PWWP2A: variants seen among roughly 807,000 people sequenced by gnomAD.
The protein encoded by PWWP2A is PWWP domain containing 2A.
A neutral mutation model predicts 48.5 loss-of-function variants in PWWP2A; 18 were observed. The ratio of observed to expected loss-of-function variants is 0.37; its 90% CI spans 0.26 to 0.55. The LOEUF (loss-of-function observed/expected upper bound fraction) is 0.55. Ranked by LOEUF, PWWP2A falls within the 20% of genes least tolerant of loss-of-function variation. The pLI, the probability that PWWP2A is intolerant of heterozygous loss-of-function variation, is 0.81. For missense variants in PWWP2A, 867 were observed against 976.4 expected (o/e 0.89, Z 1.49); for synonymous variants, 396 against 387.7 (o/e 1.02, Z -0.25).
rs1047708817 is a variant in PWWP2A at position 160,091,378 on chromosome 5, T to G, written c.*1004A>C. 3.3e-5 allele frequency: 16 copies of G among 487,256 alleles called. No homozygotes were observed. The highest frequency in any genetic ancestry group is 1.1e-4 in the African/African-American group (5 of 46,600). The allele number at this position is 487,256 out of a possible 1,614,324, so 30.2% of individuals were successfully genotyped here. On this transcript the variant is annotated 3_prime_UTR_variant, in exon 2 of 2. Coordinates refer to ENST00000307063, the MANE Select transcript of PWWP2A (RefSeq NM_001130864.2). ...ATTTTATTTACAGCTTTTTTTTGGT[T>G]TTTTTTTTTTTTTTTACATTTCAGA...
downstream of PWWP2A, among the ~76,000 whole-genome samples, chr5:160,072,552 C>A (rs945810290): frequency 6.6e-6 from 1 of 152,090 alleles, no homozygotes. Context: ...CAGAGAAACC[C>A]CGTCGCTACA....
At chr5:160,117,962 T>A in intron 1 of PWWP2A, 1 of 715,412 alleles carries the variant, frequency 1.4e-6, no homozygotes, top group Non-Finnish European at 1.7e-6. Flanking sequence ...AACTCCAGAC[T>A]TAGAACAGGT....
At chr5:160,049,392 C>T in the PWWP2A span, 2 of 948,218 alleles carry the variant, frequency 2.1e-6, no homozygotes, top group Non-Finnish European at 3.0e-6. Flanking sequence ...ATCAGGTATA[C>T]ACTTGGCAAA....
Position 160,094,080 on chromosome 5 carries a change from G to C in PWWP2A, c.585-15C>G, listed in dbSNP as rs1281646510. On this transcript the variant is annotated splice_polypyrimidine_tract_variant and intron_variant, in intron 1 of 1. Coordinates refer to ENST00000307063, the MANE Select transcript of PWWP2A (RefSeq NM_001130864.2). ...GGGGCCCAAACCTTTGAAAGAAATGGAAGAAAAAAAGAAGACATTAAGTTA... is the reference window on the plus strand; with the variant it reads ...GGGGCCCAAACCTTTGAAAGAAATGCAAGAAAAAAAGAAGACATTAAGTTA... 6.4e-7 allele frequency: 1 copy of C among 1,552,430 alleles called. No individual in the cohort carries two copies. The highest frequency in any genetic ancestry group is 2.3e-5 in the East Asian group (1 of 44,168).
At chr5:160,073,583 A>C (rs554268958), downstream of PWWP2A, among the ~76,000 whole-genome samples, 6 of 152,280 alleles carry the variant, frequency 3.9e-5, no homozygotes, top group African/African-American at 1.4e-4. Flanking sequence ...CTGCTTCTAC[A>C]AACTTGCCTC....
chr5:160,091,846 T>C lies in PWWP2A; in HGVS notation c.*536A>G. ...ATTATGCGCATAGAAAGGCTAAGTG[T>C]TCATTATTTAAAAAACAAGTAGTCA... On this transcript the variant is annotated 3_prime_UTR_variant, in exon 2 of 2. Transcript: ENST00000307063. 1 of 985,054 alleles carries C rather than the reference T, an allele frequency of 1.0e-6. No homozygotes were observed. Among genetic ancestry groups the C allele is most frequent in the African/African-American group, 1.7e-5 (1 of 57,228 alleles). 61.0% of individuals were successfully genotyped at this position (985,054 alleles called of 1,614,324 possible). A position where few individuals can be genotyped will look rare whatever the true frequency, so the allele number is the denominator to read the frequency against.
chr5:160,097,033 T>C (rs1484381878), intron 1 of PWWP2A, among the ~76,000 whole-genome samples: 1 of 152,218 alleles, frequency 6.6e-6, no homozygotes, highest in African/African-American at 2.4e-5. Context: ...GATTTAATCT[T>C]ATTTTCAAAC....
chr5:160,086,353 TATAA>T (rs995919993), downstream of PWWP2A, among the ~76,000 whole-genome samples: 1 of 151,938 alleles, frequency 6.6e-6, no homozygotes, highest in African/African-American at 2.4e-5. Context: ...ACCCTGTCTC[TATAA>T]ATAATTTTTT....
At chr5:160,045,503 CACACACACACA>C in the PWWP2A span, among the ~76,000 whole-genome samples, 81 of 103,246 alleles carry the variant, frequency 7.8e-4, 6 homozygotes, top group Admixed American at 2.9e-3. Context: ...CACACACACA[CACACACACACA>C]TACACACTCT....
the PWWP2A span, among the ~76,000 whole-genome samples, chr5:160,053,059 T>C: frequency 2.0e-5 from 3 of 152,186 alleles, no homozygotes; most frequent in African/African-American, 2.4e-5. Context: ...GAGAAATCAC[T>C]CTTTACATGG....
chr5:160,092,300 G>T lies in PWWP2A; in HGVS notation c.*82C>A. 1 of 1,449,862 alleles carries T rather than the reference G, an allele frequency of 6.9e-7. No homozygotes were observed. The highest frequency in any genetic ancestry group is 9.1e-7 in the Non-Finnish European group (1 of 1,100,618). The allele number at this position is 1,449,862 out of a possible 1,614,324, so 89.8% of individuals were successfully genotyped here. A position where few individuals can be genotyped will look rare whatever the true frequency, so the allele number is the denominator to read the frequency against. On this transcript the variant is annotated 3_prime_UTR_variant, in exon 2 of 2. Transcript: ENST00000307063. Reference sequence around the variant, plus strand: ...CAACTTCTCTCTCCAATCTGGCCACGCTATTTTGTAGAAATTATTCCTAAC... The same window carrying T: ...CAACTTCTCTCTCCAATCTGGCCACTCTATTTTGTAGAAATTATTCCTAAC...
downstream of PWWP2A, among the ~76,000 whole-genome samples, chr5:160,060,577 A>T (rs1428622797): frequency 6.6e-6 from 1 of 152,218 alleles, no homozygotes; most frequent in Non-Finnish European, 1.5e-5. Flanking sequence ...CAGATAGGGA[A>T]GACAGAATTT....
chr5:160,047,770 C>T, the PWWP2A span, among the ~76,000 whole-genome samples: 2 of 152,314 alleles, frequency 1.3e-5, no homozygotes, highest in South Asian at 2.1e-4. Context: ...TCCTGGCACG[C>T]TCCTCCTTAG....
intron 1 of PWWP2A, among the ~76,000 whole-genome samples, chr5:160,104,083 A>G (rs1756596868): frequency 7.3e-6 from 1 of 136,760 alleles, no homozygotes. Context: ...GGGATGCACC[A>G]CTGCACTCCA....
downstream of PWWP2A, among the ~76,000 whole-genome samples, chr5:160,057,498 C>G (rs1757575381): frequency 6.6e-6 from 1 of 152,062 alleles, no homozygotes; most frequent in Non-Finnish European, 1.5e-5. The surrounding 1 kb of genome is among the most constrained non-coding windows in gnomAD (Gnocchi z 4.4). Context: ...AATCATTTTG[C>G]TGCTGGAGGG....
At chr5:160,089,723 C>A, downstream of PWWP2A, 1 of 1,243,496 alleles carries the variant, frequency 8.0e-7, no homozygotes, top group Non-Finnish European at 1.0e-6. Flanking sequence ...CTCCCCTGGC[C>A]AATCCTTTGT....
At position 160,117,858 on chromosome 5, in the gene PWWP2A, G is replaced by A. The variant is rs1327732963; in HGVS notation, c.584+947C>T. On this transcript the variant is annotated intron_variant, in intron 1 of 1. Coordinates refer to ENST00000307063, the MANE Select transcript of PWWP2A (RefSeq NM_001130864.2). ...AAGCCATTGCAAACAGGTGAGATACGATCAGAGCGTGTGCTGTTGCAGGAA... is the reference window on the plus strand; with the variant it reads ...AAGCCATTGCAAACAGGTGAGATACAATCAGAGCGTGTGCTGTTGCAGGAA... 12 of 983,916 alleles carry A rather than the reference G, an allele frequency of 1.2e-5. No individual in the cohort carries two copies. In the African/African-American group the frequency reaches 1.9e-4, roughly 16 times the overall value. 60.9% of individuals were successfully genotyped at this position (983,916 alleles called of 1,614,324 possible).
chr5:160,079,660 G>A (rs1482315766), intron 3 of PWWP2A, among the ~76,000 whole-genome samples: 1 of 152,086 alleles, frequency 6.6e-6, no homozygotes, highest in Non-Finnish European at 1.5e-5. Flanking sequence ...TCAATATTTG[G>A]CTTCAATTTT....
Position 160,118,809 on chromosome 5 carries a change from T to G in PWWP2A, c.580A>C (p.Lys194Gln), listed in dbSNP as rs1215693579. ...LFSGVLMDLSKRFGPHGIPVT... is the reference protein window; with the variant it reads ...LFSGVLMDLSQRFGPHGIPVT... The stretch of plus-strand genomic sequence containing the variant: ...TGCTGGGGGCGGGCGCGGTACCTTT[T>G]GGACAGATCCATGAGGACCCCGGAG... Residue 194 changes from lysine (K) to glutamine (Q), a missense_variant, in exon 1 of 2, where the codon AAA becomes CAA. Lys to Gln is a moderately conservative substitution (Grantham distance 53, BLOSUM62 1). Coordinates refer to ENST00000307063, the MANE Select transcript of PWWP2A (RefSeq NM_001130864.2). The G allele has an allele frequency of 6.6e-7, 1 of 1,521,608 alleles. No individual in the cohort carries two copies. Among genetic ancestry groups the G allele is most frequent in the East Asian group, 2.6e-5 (1 of 38,368 alleles). 94.3% of individuals were successfully genotyped at this position (1,521,608 alleles called of 1,614,324 possible). A position where few individuals can be genotyped will look rare whatever the true frequency, so the allele number is the denominator to read the frequency against.
Sources: allele counts gnomAD v4.1 joint callset (sites outside exome capture counted in the v4.1 genomes callset), GRCh38; gene constraint gnomAD v4.1.1; non-coding constraint Gnocchi (gnomAD v3.1); transcripts MANE v1.5; gene names NCBI Gene and HGNC (gene_info 2026-07-23, HGNC 2026-07-21).